The following VRK2 variants were observed in gnomAD, a reference collection of about 807,000 sequenced individuals.
The protein encoded by VRK2 is serine/threonine-protein kinase VRK2.
Under a neutral mutation model 57.6 loss-of-function variants are expected in VRK2, and 60 were observed. The observed-to-expected ratio is 1.04, with a 90% CI of 0.85 to 1.29. The LOEUF is 1.29. Among genes scored for constraint, VRK2 ranks in the 50% most tolerant of loss-of-function variants. The pLI is 0.00. For synonymous variants in VRK2, 231 were observed against 199.2 expected, an observed-to-expected ratio of 1.16 and a Z score of -1.35; for missense variants, 705 against 588.1, an observed-to-expected ratio of 1.20 and a Z score of -2.06.
intron 1 of VRK2, among the ~76,000 whole-genome samples, chr2:57,942,946 C>G (rs1222298271): frequency 6.6e-6 from 1 of 152,044 alleles, no homozygotes; most frequent in African/African-American, 2.4e-5. Context: ...TTTTTTCTCT[C>G]CCTATATATT....
At chr2:58,080,475 G>T (rs1278266775) in intron 2 of VRK2, among the ~76,000 whole-genome samples, 1 of 151,604 alleles carries the variant, frequency 6.6e-6, no homozygotes, top group East Asian at 1.9e-4. Context: ...TATTTTTGTT[G>T]CAATGTTGTT....
At chr2:58,043,503 CTT>C (rs1487686070), upstream of VRK2, among the ~76,000 whole-genome samples, 1 of 152,112 alleles carries the variant, frequency 6.6e-6, no homozygotes, top group Admixed American at 6.6e-5. Context: ...ATATATACTC[CTT>C]TGTGTCTTCT....
intron 1 of VRK2, among the ~76,000 whole-genome samples, chr2:57,990,341 C>T (rs558342329): frequency 6.6e-6 from 1 of 152,254 alleles, no homozygotes; most frequent in Non-Finnish European, 1.5e-5. Flanking sequence ...TCCCCTTAGA[C>T]TACAAAAGAG....
chr2:58,077,297 A>C (rs1670248968), intron 2 of VRK2, among the ~76,000 whole-genome samples: 1 of 152,046 alleles, frequency 6.6e-6, no homozygotes, highest in South Asian at 2.1e-4. Flanking sequence ...AGTTCATTGA[A>C]TCATGATTTC....
intron 1 of VRK2, among the ~76,000 whole-genome samples, chr2:57,927,078 T>C (rs946424294): frequency 2.0e-5 from 3 of 150,954 alleles, no homozygotes; most frequent in Non-Finnish European, 4.4e-5. Context: ...AATAATATCT[T>C]ATAACCCATT....
chr2:57,917,651 T>A (rs1020153000), intron 1 of VRK2, among the ~76,000 whole-genome samples: 1 of 151,498 alleles, frequency 6.6e-6, no homozygotes. Flanking sequence ...ATTTTAAAAC[T>A]TTTCCAGGGT....
At chr2:58,096,245 T>C (rs1369642441) in intron 7 of VRK2, among the ~76,000 whole-genome samples, 1 of 152,096 alleles carries the variant, frequency 6.6e-6, no homozygotes, top group Non-Finnish European at 1.5e-5. Flanking sequence ...TTTCTAATTT[T>C]GTTCTGTTTT....
chr2:58,066,263 T>C (rs1386920662), intron 2 of VRK2, among the ~76,000 whole-genome samples: 1 of 152,188 alleles, frequency 6.6e-6, no homozygotes, highest in Non-Finnish European at 1.5e-5. Flanking sequence ...CTTTATCAAG[T>C]TAAGCATACT....
At chr2:57,937,656 G>A (rs749031420) in intron 1 of VRK2, among the ~76,000 whole-genome samples, 2 of 152,166 alleles carry the variant, frequency 1.3e-5, no homozygotes, top group Non-Finnish European at 2.9e-5. Context: ...GCACAGCAAT[G>A]TGTAGGAGTT....
At chr2:58,022,388 G>GA (rs773140579) in intron 1 of VRK2, among the ~76,000 whole-genome samples, 3 of 152,214 alleles carry the variant, frequency 2.0e-5, no homozygotes, top group Non-Finnish European at 4.4e-5. Flanking sequence ...TTCACAGTGG[G>GA]AAAATGTGAA....
At chr2:58,031,277 T>C (rs1285844914) in intron 2 of VRK2, among the ~76,000 whole-genome samples, 1 of 152,008 alleles carries the variant, frequency 6.6e-6, no homozygotes, top group Non-Finnish European at 1.5e-5. Context: ...TTAGAAGGAA[T>C]AGCGAGTGGG....
intron 1 of VRK2, among the ~76,000 whole-genome samples, chr2:57,991,376 A>C (rs935620945): frequency 6.6e-6 from 1 of 152,146 alleles, no homozygotes; most frequent in Non-Finnish European, 1.5e-5. Flanking sequence ...TTTAGAAAAA[A>C]AAAAAGCGAA....
At position 58,139,708 on chromosome 2, in the gene VRK2, A is replaced by G. The variant is rs759254799; in HGVS notation, c.899A>G (p.Tyr300Cys). The G allele has an allele frequency of 6.2e-7, 1 of 1,613,202 alleles. No individual in the cohort carries two copies. The highest frequency in any genetic ancestry group is 2.2e-5 in the East Asian group (1 of 44,770). Residue 300 changes from tyrosine (Y) to cysteine (C), a missense_variant, in exon 11 of 13, where the codon TAT becomes TGT. By Grantham distance (194) the Tyr-to-Cys change is radical. Coordinates refer to ENST00000340157, the MANE Select transcript of VRK2 (RefSeq NM_006296.7). ...QFLVCAHSLA[Y>C]DEKPNYQALK... ...TTGGTATGTGCTCATAGTTTAGCAT[A>G]TGATGAAAAGCCAAACTATCAAGCC...
chr2:58,109,687 C>G (rs1675271042), intron 7 of VRK2, among the ~76,000 whole-genome samples: 2 of 152,192 alleles, frequency 1.3e-5, no homozygotes, highest in Admixed American at 1.3e-4. Flanking sequence ...CCCCCATGAT[C>G]TAATCACTTC....
At chr2:58,087,774 G>A (rs1671835734) in intron 5 of VRK2, among the ~76,000 whole-genome samples, 1 of 152,152 alleles carries the variant, frequency 6.6e-6, no homozygotes, top group African/African-American at 2.4e-5. Context: ...GGATCATGAG[G>A]TCAAGAGGTC....
intron 1 of VRK2, among the ~76,000 whole-genome samples, chr2:58,002,714 G>T (rs1673127796): frequency 6.6e-6 from 1 of 152,170 alleles, no homozygotes; most frequent in African/African-American, 2.4e-5. Flanking sequence ...TTTAAAGGTA[G>T]AAATGAGCAT....
At chr2:58,156,678 T>C (rs1683927229) in intron 12 of VRK2, among the ~76,000 whole-genome samples, 1 of 152,166 alleles carries the variant, frequency 6.6e-6, no homozygotes, top group Non-Finnish European at 1.5e-5. Context: ...ATTTTTCATG[T>C]TATACCCTGT....
At chr2:58,030,694 C>G (rs1674085151) in intron 2 of VRK2, among the ~76,000 whole-genome samples, 1 of 151,976 alleles carries the variant, frequency 6.6e-6, no homozygotes, top group South Asian at 2.1e-4. Context: ...GGGTCTACCT[C>G]TCTTCTTAAG....
chr2:58,127,360 G>A (rs1678519887), intron 8 of VRK2, among the ~76,000 whole-genome samples: 1 of 151,972 alleles, frequency 6.6e-6, no homozygotes, highest in African/African-American at 2.4e-5. Flanking sequence ...TACTTACATT[G>A]GCCAAGTCTA....
Sources: allele counts gnomAD v4.1 joint callset (sites outside exome capture counted in the v4.1 genomes callset), GRCh38; gene constraint gnomAD v4.1.1; transcripts MANE v1.5; gene names NCBI Gene and HGNC (gene_info 2026-07-23, HGNC 2026-07-21).